The following ZNF704 variants were observed in gnomAD, a reference collection of about 807,000 sequenced individuals.
ZNF704 encodes the protein glucocorticoid induced gene 1.
Under a neutral mutation model 44.7 loss-of-function variants are expected in ZNF704, and 10 were observed. The observed-to-expected ratio is 0.22, with a 90% CI of 0.14 to 0.38. The LOEUF is 0.38. Ranked by LOEUF, ZNF704 falls within the 10% of genes least tolerant of loss-of-function variation. The probability of loss-of-function intolerance (pLI) is 1.00; values close to 1 mark genes in which losing one functional copy is unlikely to be tolerated. For synonymous variants in ZNF704, 211 were observed against 207.6 expected, an observed-to-expected ratio of 1.02 and a Z score of -0.14; for missense variants, 390 against 545.5, an observed-to-expected ratio of 0.71 and a Z score of 2.84.
the ZNF704 span, among the ~76,000 whole-genome samples, chr8:80,882,015 A>T: frequency 1.2e-4 from 18 of 152,254 alleles, no homozygotes; most frequent in Admixed American, 2.6e-4. Flanking sequence ...CAAAATTCTT[A>T]CTACAGAATA....
At chr8:80,821,292 G>A (rs1192776546) in intron 2 of ZNF704, 82 bp downstream of exon 2, 4 of 1,374,724 alleles carry the variant, frequency 2.9e-6, no homozygotes, top group Admixed American at 1.8e-5. Context: ...ATACTGAAGA[G>A]AGTCTGTACA....
intron 1 of ZNF704, among the ~76,000 whole-genome samples, chr8:80,864,448 G>C (rs566949955): frequency 2.0e-4 from 30 of 152,170 alleles, no homozygotes; most frequent in African/African-American, 7.0e-4. Flanking sequence ...GGCATATATA[G>C]TCAGTAACTT....
At chr8:80,786,731 C>T (rs892900650) in intron 2 of ZNF704, among the ~76,000 whole-genome samples, 3 of 152,136 alleles carry the variant, frequency 2.0e-5, no homozygotes, top group African/African-American at 7.2e-5. Context: ...TCACCAATGG[C>T]TTGTCCTGGA....
chr8:80,699,754 A>T (rs1163770650), intron 2 of ZNF704, among the ~76,000 whole-genome samples: 1 of 152,106 alleles, frequency 6.6e-6, no homozygotes, highest in Admixed American at 6.5e-5. Flanking sequence ...ATTTCCATTA[A>T]ACTTTGAAAA....
intron 2 of ZNF704, among the ~76,000 whole-genome samples, chr8:80,709,386 A>G (rs13281913): frequency 6.8e-6 from 1 of 147,920 alleles, no homozygotes; most frequent in African/African-American, 2.5e-5. Context: ...GGAGATTGCA[A>G]TAAGCAGAGA....
rs576593984 is a variant in ZNF704 at position 80,742,262 on chromosome 8, C to T, written c.222-49155G>A. Among the ~76,000 whole-genome samples, 13 of 152,310 alleles carry T rather than the reference C, an allele frequency of 8.5e-5. 1 individual carries two copies. In the Middle Eastern group the frequency reaches 0.02, roughly 239 times the overall value. ...AAGGACCCCTCTTATGGGGTAACCC[C>T]CTCCAGGAAACCAAGCCCCAATACT... On this transcript the variant is annotated intron_variant, in intron 2 of 8. Transcript: ENST00000327835.
rs115356402 is a variant in ZNF704, at chr8:80,672,605, T to C, written c.559-2002A>G. On this transcript the variant is annotated intron_variant, in intron 4 of 8. Coordinates refer to ENST00000327835, the MANE Select transcript of ZNF704 (RefSeq NM_001033723.3). ...ATGAAAAAGAATGAAATTATGTCCC[T>C]TGCAGCAAAATGGACGCAGCTGGAG... Among the ~76,000 whole-genome samples, 485 of 152,314 alleles carry C rather than the reference T, an allele frequency of 3.2e-3. 3 individuals are homozygous for C. Among genetic ancestry groups the C allele is most frequent in the African/African-American group, 6.9e-3 (288 of 41,556 alleles).
the ZNF704 span, among the ~76,000 whole-genome samples, chr8:80,882,513 A>G: frequency 3.3e-5 from 5 of 152,192 alleles, no homozygotes; most frequent in Non-Finnish European, 4.4e-5. Context: ...CCCTATTGCC[A>G]TATTTTCTGC....
At chr8:80,866,686 G>C (rs769858270) in intron 1 of ZNF704, among the ~76,000 whole-genome samples, 1 of 152,106 alleles carries the variant, frequency 6.6e-6, no homozygotes, top group African/African-American at 2.4e-5. Flanking sequence ...GGGAGGGAAA[G>C]GCTCCCTTAC....
chr8:80,871,479 T>C (rs1809251216), intron 1 of ZNF704, among the ~76,000 whole-genome samples: 1 of 152,244 alleles, frequency 6.6e-6, no homozygotes, highest in South Asian at 2.1e-4. Flanking sequence ...TAGCTTTCTC[T>C]TCTTCCTTTG....
chr8:80,847,031 G>A (rs111689846), intron 1 of ZNF704, among the ~76,000 whole-genome samples: 2,227 of 152,170 alleles, frequency 0.015, 22 homozygotes, highest in Non-Finnish European at 0.021. Context: ...AAATTAGCCA[G>A]GTGTGGTGAC....
At chr8:80,869,241 A>T (rs911106885) in intron 1 of ZNF704, among the ~76,000 whole-genome samples, 3 of 152,230 alleles carry the variant, frequency 2.0e-5, no homozygotes, top group Non-Finnish European at 2.9e-5. Flanking sequence ...CATGGAATAA[A>T]GTTGGGAAAA....
At chr8:80,755,731 CTCAGTCCCAGGACACTGAATAGT>C (rs1315077490) in intron 2 of ZNF704, among the ~76,000 whole-genome samples, 2 of 152,188 alleles carry the variant, frequency 1.3e-5, no homozygotes, top group East Asian at 3.8e-4. Context: ...TTTTCCAAAA[CTCAGTCCCAGGACACTGAATAGT>C]TTAGGTAAGC....
intron 2 of ZNF704, among the ~76,000 whole-genome samples, chr8:80,705,466 T>A (rs1392903775): frequency 3.3e-5 from 5 of 151,936 alleles, no homozygotes; most frequent in Non-Finnish European, 7.4e-5. Context: ...TCTCTCTGTG[T>A]GCACAGCTAT....
chr8:80,693,396 G>A (rs1818672958), intron 2 of ZNF704, among the ~76,000 whole-genome samples: 1 of 152,202 alleles, frequency 6.6e-6, no homozygotes, highest in Admixed American at 6.5e-5. Context: ...CGAGTGATAT[G>A]AGGTGAACAG....
intron 2 of ZNF704, among the ~76,000 whole-genome samples, chr8:80,820,219 T>C (rs989124137): frequency 9.9e-5 from 15 of 152,060 alleles, no homozygotes; most frequent in Admixed American, 4.6e-4. Flanking sequence ...ATGAACAGAG[T>C]AATCTAAAAT....
At chr8:80,739,431 T>C (rs1806719559) in intron 2 of ZNF704, among the ~76,000 whole-genome samples, 1 of 151,128 alleles carries the variant, frequency 6.6e-6, no homozygotes, top group Non-Finnish European at 1.5e-5. Context: ...GATGGAGAAA[T>C]GGAAGCAGCC....
chr8:80,787,725 T>C (rs1038678073), intron 2 of ZNF704, among the ~76,000 whole-genome samples: 5 of 152,194 alleles, frequency 3.3e-5, no homozygotes, highest in African/African-American at 1.2e-4. Context: ...CCCTCCTTCC[T>C]ACTTCTGAGA....
intron 2 of ZNF704, among the ~76,000 whole-genome samples, chr8:80,715,711 T>A (rs940600775): frequency 1.3e-5 from 2 of 152,282 alleles, no homozygotes; most frequent in Admixed American, 6.5e-5. Flanking sequence ...TAAATTAGAA[T>A]CTCTGGGAGT....
Sources: allele counts gnomAD v4.1 joint callset (sites outside exome capture counted in the v4.1 genomes callset), GRCh38; gene constraint gnomAD v4.1.1; transcripts MANE v1.5; gene names NCBI Gene and HGNC (gene_info 2026-07-23, HGNC 2026-07-21).